FBN2: variants seen among roughly 807,000 people sequenced by gnomAD.
The protein encoded by FBN2 is fibrillin-2.
In FBN2, 105 loss-of-function variants were observed where a neutral mutation model predicts 355.6. The ratio of observed to expected loss-of-function variants is 0.30; its 90% CI spans 0.25 to 0.35. The LOEUF is 0.35. Among genes scored for constraint, FBN2 ranks in the 10% least tolerant of loss-of-function variants. The pLI, the probability that FBN2 is intolerant of heterozygous loss-of-function variation, is 1.00. For synonymous variants in FBN2, 1,350 were observed against 1,301.2 expected (o/e 1.04, Z -0.81); for missense variants, 3,280 against 3,758.7 (o/e 0.87, Z 3.33).
At position 128,345,561 on chromosome 5, in the gene FBN2, A is replaced by G. The variant is rs147633551; in HGVS notation, c.3013T>C (p.Leu1005=). Residue 1005 remains leucine, a synonymous_variant, in exon 24 of 65, where the codon TTG becomes CTG. Coordinates refer to ENST00000262464, the MANE Select transcript of FBN2 (RefSeq NM_001999.4). ...CLDIRMEQCY[L]KWDEDECIHP... is the part of the protein sequence containing the mutation. ...ATGCATTCATCTTCATCCCACTTCA[A>G]GTAACACTGCTCCATGCGAATATCT... is the stretch of plus-strand genomic sequence containing the variant. The G allele has an allele frequency of 2.0e-4, 330 of 1,612,894 alleles. 1 individual carries two copies. The highest frequency in any genetic ancestry group is 2.4e-4 in the Non-Finnish European group (279 of 1,179,576).
chr5:128,297,822 T>C (rs1749570910), intron 48 of FBN2, among the ~76,000 whole-genome samples: 1 of 152,172 alleles, frequency 6.6e-6, no homozygotes, highest in African/African-American at 2.4e-5. Flanking sequence ...AATTGGAGCA[T>C]TTAGTCTATT....
chr5:128,294,231 C>T (rs1468739022), intron 48 of FBN2, among the ~76,000 whole-genome samples: 3 of 151,902 alleles, frequency 2.0e-5, no homozygotes, highest in Non-Finnish European at 4.4e-5. Context: ...TTAATCCAGT[C>T]TATCATTGTT....
rs998905 is a variant in FBN2, at chr5:128,479,352, G to A, written c.629-14431C>T. Among the ~76,000 whole-genome samples, 456 of 152,220 alleles carry A rather than the reference G, an allele frequency of 3.0e-3. 2 individuals are homozygous for A. The highest frequency in any genetic ancestry group is 0.024 in the Middle Eastern group (7 of 294). ...TGTGTAGGCCTTTATCAGCAATGCA[G>A]GGTAGAGGAAATAGTGACACGTGTG... On this transcript the variant is annotated intron_variant, in intron 5 of 64. Coordinates refer to ENST00000262464, the MANE Select transcript of FBN2 (RefSeq NM_001999.4).
At position 128,259,344 on chromosome 5, in the gene FBN2, G is replaced by C. The variant is rs1764898422; in HGVS notation, c.*111C>G. ...TTCAAAGTCTAAGACAGGGAGGAAA[G>C]AAACAAGAGTTATTATTATTTTTCC... On this transcript the variant is annotated 3_prime_UTR_variant, in exon 65 of 65. Transcript: ENST00000262464. 15 of 1,343,568 alleles carry C rather than the reference G, an allele frequency of 1.1e-5. No homozygotes were observed. The East Asian group carries it at 3.4e-4, about 31-fold the overall frequency. 83.2% of individuals were successfully genotyped at this position (1,343,568 alleles called of 1,614,324 possible). A position where few individuals can be genotyped will look rare whatever the true frequency, so the allele number is the denominator to read the frequency against.
intron 55 of FBN2, among the ~76,000 whole-genome samples, chr5:128,285,625 G>A (rs1452917660): frequency 2.0e-5 from 3 of 147,906 alleles, no homozygotes; most frequent in African/African-American, 7.4e-5. Flanking sequence ...TATCAATCAT[G>A]CAGACTAAGT....
chr5:128,527,927 A>G lies in FBN2; in HGVS notation c.477T>C (p.Cys159=), dbSNP rs138601900. Reference sequence around the variant, plus strand: ...TCTGGCACTGGCAGTGGTCATCTGCACAGGTCCCACCATTCATGCATCTCA... The same window carrying G: ...TCTGGCACTGGCAGTGGTCATCTGCGCAGGTCCCACCATTCATGCATCTCA... ...CSVRCMNGGT[C]ADDHCQCQKG... The change falls in exon 4 of 65, where the codon TGT becomes TGC. Residue 159 remains cysteine, a synonymous_variant. Transcript: ENST00000262464. The G allele has an allele frequency of 5.6e-6, 9 of 1,612,784 alleles. No individual in the cohort carries two copies. Among genetic ancestry groups the G allele is most frequent in the Non-Finnish European group, 6.8e-6 (8 of 1,179,162 alleles).
intron 31 of FBN2, 74 bp from the exon 32 acceptor site, chr5:128,333,108 A>G: frequency 7.5e-7 from 1 of 1,327,428 alleles, no homozygotes; most frequent in Non-Finnish European, 1.1e-6. Flanking sequence ...ATATTTTTGT[A>G]TAGGTAACAT....
At chr5:128,352,141 C>T (rs974747360) in intron 20 of FBN2, among the ~76,000 whole-genome samples, 3 of 152,116 alleles carry the variant, frequency 2.0e-5, no homozygotes, top group Non-Finnish European at 4.4e-5. Flanking sequence ...GAATAAACAT[C>T]ACTTATAAAA....
At chr5:128,369,796 C>T (rs553435386) in intron 15 of FBN2, among the ~76,000 whole-genome samples, 3 of 152,274 alleles carry the variant, frequency 2.0e-5, no homozygotes, top group Admixed American at 2.0e-4. Context: ...CTCCCACTTT[C>T]CGAGTTAGGA....
intron 11 of FBN2, among the ~76,000 whole-genome samples, chr5:128,382,268 T>G (rs1752251774): frequency 6.6e-6 from 1 of 152,086 alleles, no homozygotes; most frequent in Non-Finnish European, 1.5e-5. Flanking sequence ...TAACACTACT[T>G]TTCTCTTGAA....
At chr5:128,324,593 G>C (rs931268506) in intron 34 of FBN2, among the ~76,000 whole-genome samples, 2 of 150,876 alleles carry the variant, frequency 1.3e-5, no homozygotes, top group African/African-American at 4.9e-5. Context: ...TAGTTGTGCA[G>C]TTTTGAGTGA....
chr5:128,396,566 G>A (rs995875150), intron 8 of FBN2, among the ~76,000 whole-genome samples: 1 of 152,246 alleles, frequency 6.6e-6, no homozygotes, highest in Non-Finnish European at 1.5e-5. Context: ...GACTGTAATA[G>A]AGGTCAATCT....
intron 5 of FBN2, among the ~76,000 whole-genome samples, chr5:128,508,962 G>A (rs879439223): frequency 6.6e-6 from 1 of 151,890 alleles, no homozygotes; most frequent in Non-Finnish European, 1.5e-5. Context: ...ATAATTTGTT[G>A]TTATTTTTAT....
intron 27 of FBN2, among the ~76,000 whole-genome samples, chr5:128,336,965 A>G (rs1750858404): frequency 6.6e-6 from 1 of 152,230 alleles, no homozygotes; most frequent in South Asian, 2.1e-4. Flanking sequence ...CTAAGTGTAT[A>G]TTATACAGAA....
chr5:128,351,063 C>A, intron 20 of FBN2, 58 bp from the exon 21 acceptor site: 1 of 1,596,936 alleles, frequency 6.3e-7, no homozygotes, highest in Non-Finnish European at 8.6e-7. Flanking sequence ...TAGAATTCAG[C>A]TGTGTACACA....
At chr5:128,294,935 C>T (rs529069362) in intron 48 of FBN2, among the ~76,000 whole-genome samples, 4,931 of 127,202 alleles carry the variant, frequency 0.039, 327 homozygotes, top group African/African-American at 0.14. Flanking sequence ...AATGGTAATG[C>T]CTAGGTTTTC....
intron 5 of FBN2, among the ~76,000 whole-genome samples, chr5:128,501,473 G>C (rs1217540160): frequency 6.6e-6 from 1 of 152,172 alleles, no homozygotes; most frequent in African/African-American, 2.4e-5. Context: ...TTTCAAGGAA[G>C]CAGAAGACAG....
chr5:128,286,799 T>A lies in FBN2; in HGVS notation c.6931A>T (p.Met2311Leu). ...AAGGTGCCGATTAGATTCTTACACATCATGCCCCTAGATTCACAGTCGTGT... is the reference window on the plus strand; with the variant it reads ...AAGGTGCCGATTAGATTCTTACACAACATGCCCCTAGATTCACAGTCGTGT... ...GLHDCESRGM[M>L]CKNLIGTFMC... The change falls in exon 55 of 65, where the codon ATG (methionine) becomes TTG (leucine). Residue 2311 changes from methionine (M) to leucine (L), a missense_variant. By Grantham distance (15) the Met-to-Leu change is conservative (BLOSUM62 2). Around this residue, in one of 6 missense-constraint regions of FBN2, gnomAD observed 2,284 missense variants for 2,749.5 expected, o/e 0.83. Coordinates refer to ENST00000262464, the MANE Select transcript of FBN2 (RefSeq NM_001999.4). The A allele has an allele frequency of 6.2e-7, 1 of 1,613,862 alleles. No individual in the cohort carries two copies. Among genetic ancestry groups the A allele is most frequent in the Non-Finnish European group, 8.5e-7 (1 of 1,179,812 alleles).
chr5:128,500,228 TCAA>T (rs60501095), intron 5 of FBN2, among the ~76,000 whole-genome samples: 11,681 of 148,916 alleles, frequency 0.078, 688 homozygotes, highest in Admixed American at 0.21. Context: ...ACAGCTAATA[TCAA>T]CAACAACAAC....
Sources: allele counts gnomAD v4.1 joint callset (sites outside exome capture counted in the v4.1 genomes callset), GRCh38; gene constraint gnomAD v4.1.1; regional missense constraint gnomAD v4.1.1; transcripts MANE v1.5; gene names NCBI Gene and HGNC (gene_info 2026-07-23, HGNC 2026-07-21).